ABR: variants seen among roughly 807,000 people sequenced by gnomAD.
ABR encodes ABR activator of RhoGEF and GTPase, also known as active breakpoint cluster region-related protein.
A neutral mutation model predicts 107.2 loss-of-function variants in ABR; 35 were observed. The observed-to-expected ratio is 0.33, with a 90% CI of 0.25 to 0.43. The LOEUF is 0.43. ABR is among the 20% of genes least tolerant of loss of function. The pLI, the probability that ABR is intolerant of heterozygous loss-of-function variation, is 1.00. For synonymous variants in ABR, 498 were observed against 462.0 expected (o/e 1.08, Z -1.00); for missense variants, 815 against 1,115.2 (o/e 0.73, Z 3.83).
chr17:1,178,167 T>C (rs2041978939), intron 1 of ABR: 1 of 152,232 alleles, frequency 6.6e-6, no homozygotes, highest in African/African-American at 2.4e-5. Context: ...GGTTGAATGT[T>C]GGGTACCACA....
chr17:1,063,422 C>A (rs1176547208), intron 10 of ABR, among the ~76,000 whole-genome samples: 1 of 148,980 alleles, frequency 6.7e-6, no homozygotes, highest in African/African-American at 2.5e-5. Context: ...GCATGTTCCT[C>A]TAGACACTGT....
chr17:1,076,923 A>G (rs1358945445), intron 6 of ABR, among the ~76,000 whole-genome samples: 2 of 150,860 alleles, frequency 1.3e-5, no homozygotes, highest in Non-Finnish European at 3.0e-5. Flanking sequence ...GGCCTCACCC[A>G]CTCTCCCTCT....
rs1184497868 is a variant in ABR at position 1,019,846 on chromosome 17, G to A, written c.1792-6682C>T. 2.0e-5 allele frequency among the ~76,000 whole-genome samples: 3 copies of A among 152,232 alleles called. 1 individual carries two copies. The South Asian group carries it at 6.2e-4, about 31-fold the overall frequency. On this transcript the variant is annotated intron_variant, in intron 16 of 22. Transcript: ENST00000302538. Reference sequence around the variant, plus strand: ...AGACAGGTGCCTTCCATGGGCCCAGGGGAGCAGGTACTTGGGGGATGTCTG... The same window carrying A: ...AGACAGGTGCCTTCCATGGGCCCAGAGGAGCAGGTACTTGGGGGATGTCTG...
At chr17:1,043,654 C>T (rs2031048555) in intron 16 of ABR, among the ~76,000 whole-genome samples, 1 of 152,230 alleles carries the variant, frequency 6.6e-6, no homozygotes, top group African/African-American at 2.4e-5. Context: ...ACGTGAGCTA[C>T]TATGCCTGGC....
chr17:1,036,686 C>T (rs534662315), intron 16 of ABR, among the ~76,000 whole-genome samples: 7 of 152,034 alleles, frequency 4.6e-5, no homozygotes, highest in African/African-American at 1.4e-4. Flanking sequence ...TGGCACGTTC[C>T]GGGGACAGCT....
At chr17:1,049,902 G>A in intron 16 of ABR, 148 bp downstream of exon 16, 1 of 1,123,752 alleles carries the variant, frequency 8.9e-7, no homozygotes, top group Non-Finnish European at 1.3e-6. Context: ...ACCTCTAGCA[G>A]GGAGGGGAGA....
intron 10 of ABR, among the ~76,000 whole-genome samples, chr17:1,062,227 T>C (rs2034051384): frequency 3.3e-5 from 5 of 150,178 alleles, no homozygotes; most frequent in East Asian, 2.0e-4. Context: ...CATGTTCCTC[T>C]AGACGCTGCT....
At position 1,168,998 on chromosome 17, in the gene ABR, G is replaced by A. The variant is rs553863440; in HGVS notation, c.61+10669C>T. 4.9e-4 allele frequency among the ~76,000 whole-genome samples: 74 copies of A among 152,326 alleles called. 2 individuals carry two copies. The South Asian group carries it at 0.012, about 26-fold the overall frequency. The stretch of plus-strand genomic sequence containing the variant: ...CCAAGTCAAGGTGGCTGTTCCACGC[G>A]GCTGGGTGGACGCCAGCTGGTCTCT... On this transcript the variant is annotated intron_variant, in intron 1 of 22. Transcript: ENST00000302538.
rs1474435298 is a variant in ABR, at chr17:1,203,459, C to T, written c.838+25334G>A. ...GGACGGAGTCTGCGGGGGCGGGGCCCGCGGGGACGGAGTCTGCGGGGGCGG... is the reference window on the plus strand; with the variant it reads ...GGACGGAGTCTGCGGGGGCGGGGCCTGCGGGGACGGAGTCTGCGGGGGCGG... On this transcript the variant is annotated intron_variant, in intron 1 of 22. Transcript: ENST00000574139. Among the ~76,000 whole-genome samples the T allele has an allele frequency of 5.4e-3, 25 of 4,670 alleles. 1 individual carries two copies. The highest frequency in any genetic ancestry group is 0.022 in the East Asian group (1 of 46). 3.1% of individuals were successfully genotyped at this position (4,670 alleles called of 152,430 possible). A position where few individuals can be genotyped will look rare whatever the true frequency, so the allele number is the denominator to read the frequency against.
rs565200194 is a variant in ABR, at chr17:1,193,346, C to T, written c.838+35447G>A. 3.9e-4 allele frequency among the ~76,000 whole-genome samples: 59 copies of T among 152,024 alleles called. 1 individual carries two copies. Among genetic ancestry groups the T allele is most frequent in the Admixed American group, 3.8e-3 (58 of 15,250 alleles). ...AGTTTGCTGAACGCCCTTCGGCCGA[C>T]GTGTCCCGAGCATCGCCAGTATTTA... On this transcript the variant is annotated intron_variant, in intron 1 of 22. Coordinates refer to the ABR transcript ENST00000574139.
chr17:1,029,716 G>A (rs1486365626), intron 16 of ABR, among the ~76,000 whole-genome samples: 1 of 152,180 alleles, frequency 6.6e-6, no homozygotes, highest in Admixed American at 6.5e-5. Flanking sequence ...TAGAAAGCAA[G>A]AGGCCTGGCC....
chr17:1,143,066 G>A (rs34392922), intron 1 of ABR, among the ~76,000 whole-genome samples: 30 of 70,594 alleles, frequency 4.2e-4, no homozygotes, highest in East Asian at 1.5e-3. Context: ...CTCCTGGGGG[G>A]CAGCTCGCTC....
In ABR at chr17:1,100,623, G is replaced by C. The variant is rs745341854; in HGVS notation, c.345+14C>G. On this transcript the variant is annotated intron_variant, in intron 3 of 22. Transcript: ENST00000302538. ...GGGGGGACCGGAAGGCCCCAGAGCA[G>C]GGACTGTACTCACCAGCAACAGGGC... 2 of 1,613,134 alleles carry C rather than the reference G, an allele frequency of 1.2e-6. No individual in the cohort carries two copies. The highest frequency in any genetic ancestry group is 1.7e-6 in the Non-Finnish European group (2 of 1,179,176).
intron 1 of ABR, among the ~76,000 whole-genome samples, chr17:1,202,271 AC>A (rs1190362147): frequency 6.8e-6 from 1 of 146,412 alleles, no homozygotes; most frequent in Non-Finnish European, 1.5e-5. Context: ...CAGGTGATCC[AC>A]CCCCTTCGGC....
chr17:1,138,091 A>G (rs558678145), intron 1 of ABR, among the ~76,000 whole-genome samples: 18 of 148,846 alleles, frequency 1.2e-4, no homozygotes, highest in South Asian at 1.1e-3. Context: ...TTTAGTAGAG[A>G]TGGGGTTTCA....
rs1439348605 is a variant in ABR at position 1,146,622 on chromosome 17, C to CCACCATTGCTACATGA, written c.62-21256_62-21255insTCATGTAGCAATGGTG. Among the ~76,000 whole-genome samples the CCACCATTGCTACATGA allele has an allele frequency of 1.9e-3, 61 of 32,792 alleles. No homozygotes were observed. In the East Asian group the frequency reaches 0.022, roughly 12 times the overall value. The allele number at this position is 32,792 out of a possible 152,430, so 21.5% of individuals were successfully genotyped here. On this transcript the variant is annotated intron_variant, in intron 1 of 22. Coordinates refer to ENST00000302538, the MANE Select transcript of ABR (RefSeq NM_021962.5). ...CCACCACTGCCACATGACACCACTG[C>CCACCATTGCTACATGA]CACCACTGCCACATGCCACCACTGC...
At chr17:1,040,611 C>A (rs1275835171) in intron 16 of ABR, among the ~76,000 whole-genome samples, 1 of 152,194 alleles carries the variant, frequency 6.6e-6, no homozygotes, top group East Asian at 1.9e-4. Context: ...AGGTGACAGC[C>A]TTTAGGAGGG....
intron 16 of ABR, among the ~76,000 whole-genome samples, chr17:1,043,121 A>G (rs752298090): frequency 7.2e-5 from 11 of 152,222 alleles, no homozygotes; most frequent in Non-Finnish European, 1.5e-4. Context: ...CACACTGGCA[A>G]CGGCTGCACA....
chr17:1,170,375 C>T (rs72814100), intron 1 of ABR, among the ~76,000 whole-genome samples: 1 of 152,166 alleles, frequency 6.6e-6, no homozygotes, highest in Non-Finnish European at 1.5e-5. Context: ...CAGGGCCAAC[C>T]GAGCGCACAG....
Sources: allele counts gnomAD v4.1 joint callset (sites outside exome capture counted in the v4.1 genomes callset), GRCh38; gene constraint gnomAD v4.1.1; transcripts MANE v1.5; gene names NCBI Gene and HGNC (gene_info 2026-07-23, HGNC 2026-07-21).